ADRA1A: variants seen among roughly 807,000 people sequenced by gnomAD.
ADRA1A encodes alpha-1A adrenergic receptor.
Under a neutral mutation model 29.6 loss-of-function variants are expected in ADRA1A, and 31 were observed. The observed-to-expected ratio is 1.05, with a 90% CI of 0.79 to 1.41. The LOEUF is 1.41. ADRA1A is among the 40% of genes most tolerant of loss of function. ADRA1A has a pLI of 0.00. For missense variants in ADRA1A, 619 were observed against 601.1 expected (o/e 1.03, Z -0.31); for synonymous variants, 311 against 254.3 (o/e 1.22, Z -2.12).
At chr8:26,754,398 C>A (rs1054528181), downstream of ADRA1A, among the ~76,000 whole-genome samples, 1 of 151,894 alleles carries the variant, frequency 6.6e-6, no homozygotes, top group African/African-American at 2.4e-5. Flanking sequence ...GTAATGACAT[C>A]GTCAACTTAG....
At chr8:26,756,746 C>T (rs753258105) in exon 3 of ADRA1A, 36 of 1,613,992 alleles carry the variant, frequency 2.2e-5, no homozygotes, top group Middle Eastern at 1.6e-4. Flanking sequence ...CAGTCGTGGA[C>T]GGGAAGCTGG....
chr8:26,820,380 A>G (rs958343771), intron 2 of ADRA1A, among the ~76,000 whole-genome samples: 1 of 152,230 alleles, frequency 6.6e-6, no homozygotes, highest in African/African-American at 2.4e-5. Context: ...AATTGAAATC[A>G]TATCAAGTCA....
intron 2 of ADRA1A, among the ~76,000 whole-genome samples, chr8:26,758,736 G>A (rs1240391978): frequency 1.3e-5 from 2 of 152,206 alleles, no homozygotes; most frequent in Non-Finnish European, 2.9e-5. Context: ...GTGGAGTTGG[G>A]AAGGTCACGT....
At chr8:26,786,757 C>A (rs1341133577) in intron 2 of ADRA1A, among the ~76,000 whole-genome samples, 4 of 149,042 alleles carry the variant, frequency 2.7e-5, no homozygotes, top group African/African-American at 1.0e-4. Flanking sequence ...GGGGGGGGGT[C>A]TCTCATTAAA....
At position 26,864,660 on chromosome 8, in the gene ADRA1A, C is replaced by A. The variant is rs772047975; in HGVS notation, c.310G>T (p.Ala104Ser). 2 of 1,614,172 alleles carry A rather than the reference C, an allele frequency of 1.2e-6. No individual in the cohort carries two copies. Among genetic ancestry groups the A allele is most frequent in the South Asian group, 2.2e-5 (2 of 91,080 alleles). The change falls in exon 2 of 3, where the codon GCA becomes TCA. Residue 104 changes from alanine to serine, a missense_variant. Ala to Ser is a moderately conservative substitution (Grantham distance 99). Transcript: ENST00000380573. This position sits in a 1 kb window ranked among gnomAD's most constrained non-coding sequence, Gnocchi z 8.1. The stretch of plus-strand genomic sequence containing the variant: ...GCGGTGCAGCACAGCACATCCACTG[C>A]CGCCCAGATGTTGCAGAAGACCCTG... ...FGRVFCNIWA[A>S]VDVLCCTASI...
intron 2 of ADRA1A, among the ~76,000 whole-genome samples, chr8:26,857,383 C>A (rs943196363): frequency 6.6e-6 from 1 of 152,144 alleles, no homozygotes; most frequent in African/African-American, 2.4e-5. Flanking sequence ...AAAATAAATT[C>A]TAGCCAGGTG....
intron 2 of ADRA1A, among the ~76,000 whole-genome samples, chr8:26,783,426 T>C (rs1211987685): frequency 6.6e-6 from 1 of 152,214 alleles, no homozygotes; most frequent in Non-Finnish European, 1.5e-5. Flanking sequence ...GTTAGGGTTA[T>C]AGTGGTTGAG....
rs1281091213 is a variant in ADRA1A at position 26,864,578 on chromosome 8, G to T, written c.392C>A (p.Pro131Gln). The T allele has an allele frequency of 1.2e-6, 2 of 1,613,996 alleles. No individual in the cohort carries two copies. The highest frequency in any genetic ancestry group is 1.7e-6 in the Non-Finnish European group (2 of 1,180,038). The change falls in exon 2 of 3, where the codon CCG (proline) becomes CAG (glutamine). Residue 131 changes from proline (P) to glutamine (Q), a missense_variant. Coordinates refer to ENST00000380573, the MANE Select transcript of ADRA1A (RefSeq NM_000680.4). The surrounding 1 kb of genome is among the most constrained non-coding windows in gnomAD (Gnocchi z 8.1). The part of the protein sequence containing the change: ...SIDRYIGVSY[P>Q]LRYPTIVTQR... Reference sequence around the variant, plus strand: ...GGTGACGATGGTTGGGTAGCGCAGCGGGTAGCTCACGCCGATGTAGCGGTC... The same window carrying T: ...GGTGACGATGGTTGGGTAGCGCAGCTGGTAGCTCACGCCGATGTAGCGGTC...
intron 2 of ADRA1A, among the ~76,000 whole-genome samples, chr8:26,758,933 C>A (rs996625911): frequency 6.6e-6 from 1 of 152,158 alleles, no homozygotes; most frequent in Admixed American, 6.5e-5. Flanking sequence ...AAATCTCATA[C>A]CTTACCATAT....
intron 2 of ADRA1A, among the ~76,000 whole-genome samples, chr8:26,830,031 C>G (rs544600901): frequency 2.0e-5 from 3 of 152,116 alleles, no homozygotes; most frequent in Non-Finnish European, 4.4e-5. Flanking sequence ...GAAGACAGCA[C>G]TAAGTGTATA....
At chr8:26,808,442 T>C (rs1809153438) in intron 2 of ADRA1A, among the ~76,000 whole-genome samples, 1 of 152,214 alleles carries the variant, frequency 6.6e-6, no homozygotes. Flanking sequence ...AACAGTTTTT[T>C]TAACTTAGCC....
At chr8:26,844,248 T>G (rs969646811) in intron 2 of ADRA1A, among the ~76,000 whole-genome samples, 3 of 152,154 alleles carry the variant, frequency 2.0e-5, no homozygotes, top group Non-Finnish European at 4.4e-5. Flanking sequence ...TCAGATTGAG[T>G]TCACTGCCAA....
Position 26,864,591 on chromosome 8 carries a change from CGATGTA to C in ADRA1A, c.373_378del (p.Tyr125_Ile126del). On this transcript the variant is annotated inframe_deletion, in exon 2 of 3. Coordinates refer to ENST00000380573, the MANE Select transcript of ADRA1A (RefSeq NM_000680.4). This position sits in a 1 kb window ranked among gnomAD's most constrained non-coding sequence, Gnocchi z 8.1. ...GGGTAGCGCAGCGGGTAGCTCACGC[CGATGTA>C]GCGGTCGATGGAGATGATGCAGAGG... The C allele has an allele frequency of 6.2e-7, 1 of 1,614,064 alleles. No homozygotes were observed.
At chr8:26,791,830 T>C (rs952168146) in intron 2 of ADRA1A, among the ~76,000 whole-genome samples, 2 of 152,262 alleles carry the variant, frequency 1.3e-5, no homozygotes, top group Middle Eastern at 3.4e-3. Flanking sequence ...TCAGAGGCTG[T>C]TCAGTGAGGC....
chr8:26,859,273 G>T, intron 2 of ADRA1A: 1 of 1,049,614 alleles, frequency 9.5e-7, no homozygotes. Flanking sequence ...ACATACTTAA[G>T]ACAGTTAATA....
chr8:26,847,684 T>G (rs1812315141), intron 2 of ADRA1A, among the ~76,000 whole-genome samples: 1 of 152,184 alleles, frequency 6.6e-6, no homozygotes, highest in Non-Finnish European at 1.5e-5. Flanking sequence ...CTGCCAGCAT[T>G]CCAGTATAAT....
chr8:26,800,048 C>T (rs1244396814), intron 2 of ADRA1A, among the ~76,000 whole-genome samples: 2 of 152,078 alleles, frequency 1.3e-5, no homozygotes, highest in East Asian at 3.9e-4. Flanking sequence ...CACTTGAGGT[C>T]AGGAGTTTGA....
chr8:26,791,625 A>T (rs1444117899), intron 2 of ADRA1A, among the ~76,000 whole-genome samples: 1 of 152,116 alleles, frequency 6.6e-6, no homozygotes, highest in Non-Finnish European at 1.5e-5. Flanking sequence ...TTCTTGCCAA[A>T]GACTACAAGG....
Position 26,825,437 on chromosome 8 carries a change from G to A in ADRA1A, c.883+38650C>T, listed in dbSNP as rs554779461. Among the ~76,000 whole-genome samples, 56 of 152,128 alleles carry A rather than the reference G, an allele frequency of 3.7e-4. No homozygotes were observed. Among genetic ancestry groups the A allele is most frequent in the Non-Finnish European group, 4.6e-4 (31 of 67,994 alleles). On this transcript the variant is annotated intron_variant, in intron 2 of 2. Transcript: ENST00000380573. The surrounding 1 kb of genome is among the most constrained non-coding windows in gnomAD (Gnocchi z 5.7). ...TGGAGTTTCTTTGTTTTCTAATTCC[G>A]CCCTACTTCGTTTCCTATAAGGGGA...
Sources: gnomAD v4.1 joint callset for allele counts (sites outside exome capture counted in the v4.1 genomes callset) on GRCh38, gnomAD v4.1.1 for gene constraint, Gnocchi (gnomAD v3.1) non-coding constraint, MANE v1.5 for transcripts, NCBI Gene and HGNC (gene_info 2026-07-23, HGNC 2026-07-21) for gene names.